SEMA3E: variants seen among roughly 807,000 people sequenced by gnomAD.
The protein encoded by SEMA3E is semaphorin 3E, also known as semaphorin-3E.
In SEMA3E, 49 loss-of-function variants were observed where a neutral mutation model predicts 93.6. The ratio of observed to expected loss-of-function variants is 0.52; its 90% CI spans 0.42 to 0.66. SEMA3E has a LOEUF of 0.66. Among genes scored for constraint, SEMA3E ranks in the 30% least tolerant of loss-of-function variants. SEMA3E has a pLI of 0.00. For synonymous variants in SEMA3E, 363 were observed against 330.7 expected, an observed-to-expected ratio of 1.10 and a Z score of -1.06; for missense variants, 906 against 964.8, an observed-to-expected ratio of 0.94 and a Z score of 0.81.
At chr7:83,436,200 G>A (rs533840296) in intron 4 of SEMA3E, among the ~76,000 whole-genome samples, 26 of 151,634 alleles carry the variant, frequency 1.7e-4, no homozygotes, top group East Asian at 5.8e-4. Context: ...ACACACACAC[G>A]CATACATATA....
chr7:83,595,897 A>C (rs215317), intron 1 of SEMA3E, among the ~76,000 whole-genome samples: 79,711 of 151,796 alleles, frequency 0.53, 21,481 homozygotes, highest in Middle Eastern at 0.68. Context: ...AGGGAGAAAT[A>C]ATTTATGACT....
At chr7:83,536,100 C>A (rs994261845) in intron 1 of SEMA3E, among the ~76,000 whole-genome samples, 3 of 151,924 alleles carry the variant, frequency 2.0e-5, no homozygotes, top group African/African-American at 7.3e-5. Flanking sequence ...TCAAAAGTAC[C>A]TATTCTGTTG....
chr7:83,483,515 C>T (rs1790190620), intron 2 of SEMA3E, among the ~76,000 whole-genome samples: 1 of 151,792 alleles, frequency 6.6e-6, no homozygotes, highest in South Asian at 2.1e-4. Context: ...ATTTAAGGAT[C>T]CCTAGGTTTT....
At chr7:83,459,713 T>C (rs1789569268) in intron 4 of SEMA3E, among the ~76,000 whole-genome samples, 1 of 152,132 alleles carries the variant, frequency 6.6e-6, no homozygotes, top group Non-Finnish European at 1.5e-5. Context: ...CCCCTGTGAC[T>C]TGCACGTATT....
At chr7:83,436,234 C>T (rs959510891) in intron 4 of SEMA3E, among the ~76,000 whole-genome samples, 15 of 151,296 alleles carry the variant, frequency 9.9e-5, no homozygotes, top group Admixed American at 9.9e-4. Context: ...AGATATACAA[C>T]ACAAATAAAT....
At chr7:83,525,275 AT>A (rs902063187) in intron 1 of SEMA3E, among the ~76,000 whole-genome samples, 7 of 151,798 alleles carry the variant, frequency 4.6e-5, no homozygotes, top group South Asian at 4.2e-4. Context: ...TTTCATTTTA[AT>A]TTTTTTTCCC....
intron 4 of SEMA3E, among the ~76,000 whole-genome samples, chr7:83,433,765 G>A (rs1788936518): frequency 6.6e-6 from 1 of 152,006 alleles, no homozygotes; most frequent in African/African-American, 2.4e-5. Flanking sequence ...AGACAAAGAC[G>A]ATACATACCG....
At chr7:83,406,912 A>T (rs1178338716) in intron 7 of SEMA3E, among the ~76,000 whole-genome samples, 185 bp downstream of exon 7, 1 of 152,186 alleles carries the variant, frequency 6.6e-6, no homozygotes, top group East Asian at 1.9e-4. Flanking sequence ...CATGCAAAAT[A>T]CAAGGTCCTT....
chr7:83,541,714 T>G (rs540537745), intron 1 of SEMA3E, among the ~76,000 whole-genome samples: 1 of 152,176 alleles, frequency 6.6e-6, no homozygotes, highest in African/African-American at 2.4e-5. Context: ...AAAACAGCAG[T>G]CATGATGCTA....
intron 1 of SEMA3E, among the ~76,000 whole-genome samples, chr7:83,496,970 T>G (rs1790501500): frequency 6.6e-6 from 1 of 152,080 alleles, no homozygotes; most frequent in Non-Finnish European, 1.5e-5. Flanking sequence ...ACTCTAAAAA[T>G]AACATGAATT....
At chr7:83,431,869 T>C (rs545476624) in intron 4 of SEMA3E, among the ~76,000 whole-genome samples, 2 of 152,284 alleles carry the variant, frequency 1.3e-5, no homozygotes, top group South Asian at 4.1e-4. Flanking sequence ...TTTTCCAGCA[T>C]TGGCTATAAC....
intron 1 of SEMA3E, among the ~76,000 whole-genome samples, chr7:83,491,334 G>T (rs962531879): frequency 1.3e-5 from 2 of 151,772 alleles, no homozygotes; most frequent in Non-Finnish European, 2.9e-5. Flanking sequence ...AAACTTTGTG[G>T]AGTTAACTTT....
At chr7:83,505,048 T>C (rs764109082) in intron 1 of SEMA3E, among the ~76,000 whole-genome samples, 8 of 152,220 alleles carry the variant, frequency 5.3e-5, no homozygotes, top group Non-Finnish European at 1.0e-4. Context: ...AATTATATAG[T>C]GGTTTCTTCA....
chr7:83,500,201 GC>G (rs1790568431), intron 1 of SEMA3E, among the ~76,000 whole-genome samples: 1 of 152,180 alleles, frequency 6.6e-6, no homozygotes, highest in African/African-American at 2.4e-5. Context: ...ACTTTGGGAG[GC>G]CAAGGCGGGT....
intron 4 of SEMA3E, among the ~76,000 whole-genome samples, chr7:83,464,852 C>G (rs1789716056): frequency 6.7e-6 from 1 of 149,822 alleles, no homozygotes; most frequent in African/African-American, 2.4e-5. Flanking sequence ...CGCCCATTCT[C>G]TCTCCATACC....
chr7:83,623,137 A>G (rs1314594837), intron 1 of SEMA3E, among the ~76,000 whole-genome samples: 2 of 152,180 alleles, frequency 1.3e-5, no homozygotes, highest in Non-Finnish European at 2.9e-5. Flanking sequence ...CTCATTTGCC[A>G]GGCAATTTTA....
intron 4 of SEMA3E, among the ~76,000 whole-genome samples, chr7:83,456,368 C>G (rs2115838605): frequency 6.6e-6 from 1 of 152,146 alleles, no homozygotes; most frequent in South Asian, 2.1e-4. Context: ...AAAAAGTGCT[C>G]TGAGACTTTT....
intron 1 of SEMA3E, among the ~76,000 whole-genome samples, chr7:83,516,983 T>G (rs1316260315): frequency 6.6e-6 from 1 of 150,870 alleles, no homozygotes; most frequent in Non-Finnish European, 1.5e-5. Context: ...GAAAGGGAAT[T>G]TGCTACTGTC....
intron 2 of SEMA3E, among the ~76,000 whole-genome samples, chr7:83,476,137 C>T: frequency 6.6e-6 from 1 of 152,288 alleles, no homozygotes; most frequent in East Asian, 1.9e-4. Context: ...GTGTCTTAAG[C>T]ACAGTCTCTG....
Sources: allele counts gnomAD v4.1 joint callset (sites outside exome capture counted in the v4.1 genomes callset), GRCh38; gene constraint gnomAD v4.1.1; transcripts MANE v1.5; gene names NCBI Gene and HGNC (gene_info 2026-07-23, HGNC 2026-07-21).